TMEM207: variants seen among roughly 807,000 people sequenced by gnomAD.
TMEM207 encodes transmembrane protein 207, also known as SRSR846.
A neutral mutation model predicts 17.4 loss-of-function variants in TMEM207; 15 were observed. The observed-to-expected ratio is 0.86, with a 90% CI of 0.58 to 1.33. The LOEUF (loss-of-function observed/expected upper bound fraction) is 1.33, where lower values mean the gene tolerates loss of function less well. TMEM207 is among the 40% of genes most tolerant of loss of function. The probability of loss-of-function intolerance (pLI) is 0.00; values close to 1 mark genes in which losing one functional copy is unlikely to be tolerated. For missense variants in TMEM207, 205 were observed against 173.8 expected (o/e 1.18, Z -1.01); for synonymous variants, 70 against 65.6 (o/e 1.07, Z -0.33).
intron 4 of TMEM207, among the ~76,000 whole-genome samples, chr3:190,432,675 CAG>C (rs1719716543): frequency 6.6e-6 from 1 of 152,112 alleles, no homozygotes; most frequent in South Asian, 2.1e-4. Flanking sequence ...GAGAAGAGAG[CAG>C]AGCCTGTAAG....
chr3:190,430,458 T>G (rs574783508), intron 4 of TMEM207, among the ~76,000 whole-genome samples: 2 of 151,566 alleles, frequency 1.3e-5, no homozygotes, highest in South Asian at 4.2e-4. Context: ...CACAAAAAAA[T>G]AATAGTGCTA....
At chr3:190,444,915 A>G (rs1378168237) in intron 2 of TMEM207, among the ~76,000 whole-genome samples, 1 of 152,214 alleles carries the variant, frequency 6.6e-6, no homozygotes, top group Non-Finnish European at 1.5e-5. Context: ...ATTCAGCTAC[A>G]GTAATTTGAG....
Position 190,449,319 on chromosome 3 carries a change from A to G in TMEM207, c.75+416T>C, listed in dbSNP as rs566144831. 3.0e-4 allele frequency among the ~76,000 whole-genome samples: 45 copies of G among 152,270 alleles called. No individual in the cohort carries two copies. In the South Asian group the frequency reaches 8.5e-3, roughly 29 times the overall value. On this transcript the variant is annotated intron_variant, in intron 1 of 4. Transcript: ENST00000354905. ...GCAGAGGAACTGAAATAAATCCTAA[A>G]ATGGTTCTGTCTACATCAGTCAGCA...
chr3:190,440,554 A>G (rs772522803), intron 3 of TMEM207, among the ~76,000 whole-genome samples, 165 bp from the exon 4 acceptor site: 17 of 152,194 alleles, frequency 1.1e-4, no homozygotes, highest in Non-Finnish European at 4.4e-5. Flanking sequence ...ATACATTTCC[A>G]CTGAACTGAA....
At chr3:190,440,168 T>G in intron 4 of TMEM207, 76 bp downstream of exon 4, 1 of 1,518,034 alleles carries the variant, frequency 6.6e-7, no homozygotes, top group South Asian at 1.3e-5. Context: ...GATCTGCTTT[T>G]GGGAGAACAG....
intron 2 of TMEM207, among the ~76,000 whole-genome samples, chr3:190,444,897 A>G (rs1720011788): frequency 6.6e-6 from 1 of 152,196 alleles, no homozygotes; most frequent in East Asian, 1.9e-4. Flanking sequence ...AACATAGGCC[A>G]AAGTGCAATT....
At chr3:190,440,456 C>T in intron 3 of TMEM207, 67 bp from the exon 4 acceptor site, 1 of 1,466,504 alleles carries the variant, frequency 6.8e-7, no homozygotes, top group Non-Finnish European at 9.2e-7. Context: ...GCTTCCATCA[C>T]TACCTAGAAG....
At chr3:190,442,165 G>A (rs1468817129) in intron 2 of TMEM207, among the ~76,000 whole-genome samples, 3 of 152,172 alleles carry the variant, frequency 2.0e-5, no homozygotes, top group Non-Finnish European at 2.9e-5. Flanking sequence ...GTATAACTCC[G>A]TAGGTGTAGA....
Position 190,440,401 on chromosome 3 carries a change from A to G in TMEM207, c.159-12T>C, listed in dbSNP as rs1351752664. 1.2e-6 allele frequency: 2 copies of G among 1,604,654 alleles called. No homozygotes were observed. The highest frequency in any genetic ancestry group is 2.2e-5 in the East Asian group (1 of 44,784). On this transcript the variant is annotated splice_polypyrimidine_tract_variant and intron_variant, in intron 3 of 4. Coordinates refer to ENST00000354905, the MANE Select transcript of TMEM207 (RefSeq NM_207316.3). ...GCAGCAGGAGGATCCTGACTCCAAA[A>G]GTAACCGAGAAAAGAATGAGGTAGA...
In TMEM207 at chr3:190,447,937, T is replaced by A. The variant is rs996509079; in HGVS notation, c.76-110A>T. 9.8e-6 allele frequency: 10 copies of A among 1,017,580 alleles called. No homozygotes were observed. In the South Asian group the frequency reaches 1.3e-4, roughly 13 times the overall value. The allele number at this position is 1,017,580 out of a possible 1,614,324, so 63.0% of individuals were successfully genotyped here. Reference sequence around the variant, plus strand: ...GTTTATATCATTTCGTTTGCTTTTTTAATTAAAAGCTCTATAGCAGAGTTT... The same window carrying A: ...GTTTATATCATTTCGTTTGCTTTTTAAATTAAAAGCTCTATAGCAGAGTTT... On this transcript the variant is annotated intron_variant, in intron 1 of 4. Transcript: ENST00000354905.
intron 4 of TMEM207, among the ~76,000 whole-genome samples, chr3:190,430,221 G>A (rs906417452): frequency 1.3e-5 from 2 of 151,766 alleles, no homozygotes; most frequent in Non-Finnish European, 1.5e-5. Flanking sequence ...ATGAAAGCAC[G>A]CATTTAAAGT....
intron 4 of TMEM207, among the ~76,000 whole-genome samples, chr3:190,437,485 G>T (rs549824668): frequency 1.3e-5 from 2 of 152,248 alleles, no homozygotes; most frequent in African/African-American, 4.8e-5. Context: ...CTGAAAATCC[G>T]CAAATTACTG....
intron 4 of TMEM207, among the ~76,000 whole-genome samples, 196 bp from the exon 5 acceptor site, chr3:190,429,927 G>T (rs1560105097): frequency 6.6e-6 from 1 of 151,888 alleles, no homozygotes; most frequent in Admixed American, 6.6e-5. Context: ...AAAAAAAATT[G>T]CTTGCCTGAA....
chr3:190,445,594 C>T (rs979907745), intron 2 of TMEM207, among the ~76,000 whole-genome samples: 10 of 152,258 alleles, frequency 6.6e-5, no homozygotes, highest in Non-Finnish European at 1.3e-4. Flanking sequence ...GGTGCGATCT[C>T]GGCTCACTGC....
chr3:190,437,534 T>C (rs1719829417), intron 4 of TMEM207, among the ~76,000 whole-genome samples: 2 of 152,122 alleles, frequency 1.3e-5, no homozygotes, highest in South Asian at 4.1e-4. Context: ...TGTGACCATA[T>C]AAACCACAAT....
chr3:190,443,644 CA>C (rs1719983532), intron 2 of TMEM207, among the ~76,000 whole-genome samples: 1 of 152,142 alleles, frequency 6.6e-6, no homozygotes, highest in Non-Finnish European at 1.5e-5. Flanking sequence ...CTTTTGGCTC[CA>C]TATGCTCCCC....
At chr3:190,448,976 A>G (rs928800458) in intron 1 of TMEM207, among the ~76,000 whole-genome samples, 2 of 152,244 alleles carry the variant, frequency 1.3e-5, no homozygotes, top group African/African-American at 4.8e-5. Context: ...GAAAATGAAC[A>G]TTCACATTTT....
chr3:190,437,961 A>C (rs1170081079), intron 4 of TMEM207, among the ~76,000 whole-genome samples: 1 of 151,802 alleles, frequency 6.6e-6, no homozygotes, highest in African/African-American at 2.4e-5. Context: ...ACATGGATGA[A>C]ATTGGAAATC....
chr3:190,440,017 C>T (rs904829202), intron 4 of TMEM207, among the ~76,000 whole-genome samples: 1 of 152,110 alleles, frequency 6.6e-6, no homozygotes. Context: ...AGTTGCTTTC[C>T]TTATACTTAA....
Sources: gnomAD v4.1 joint callset for allele counts (sites outside exome capture counted in the v4.1 genomes callset) on GRCh38, gnomAD v4.1.1 for gene constraint, MANE v1.5 for transcripts, NCBI Gene and HGNC (gene_info 2026-07-23, HGNC 2026-07-21) for gene names.